PLPPR1: variants seen among roughly 807,000 people sequenced by gnomAD.
PLPPR1 encodes phospholipid phosphatase-related protein type 1.
In PLPPR1, 10 loss-of-function variants were observed where a neutral mutation model predicts 33.1. The ratio of observed to expected loss-of-function variants is 0.30; its 90% CI spans 0.19 to 0.51. The LOEUF is 0.51. Ranked by LOEUF, PLPPR1 falls within the 20% of genes least tolerant of loss-of-function variation. The probability of loss-of-function intolerance (pLI) is 0.97; values close to 1 mark genes in which losing one functional copy is unlikely to be tolerated. For missense variants in PLPPR1, 304 were observed against 408.1 expected, an observed-to-expected ratio of 0.74 and a Z score of 2.20; for synonymous variants, 151 against 151.0, an observed-to-expected ratio of 1.00 and a Z score of 0.00.
At chr9:101,200,678 G>A (rs1323121717) in intron 2 of PLPPR1, among the ~76,000 whole-genome samples, 1 of 151,924 alleles carries the variant, frequency 6.6e-6, no homozygotes, top group Non-Finnish European at 1.5e-5. Context: ...CCATCCTTCT[G>A]TGAAATTTAA....
At chr9:101,320,812 A>G (rs1357551352) in intron 7 of PLPPR1, among the ~76,000 whole-genome samples, 1 of 152,216 alleles carries the variant, frequency 6.6e-6, no homozygotes, top group Non-Finnish European at 1.5e-5. Context: ...TTATAGATGA[A>G]GAAAGTAAGG....
chr9:101,049,890 C>G (rs1830197818), intron 1 of PLPPR1, among the ~76,000 whole-genome samples: 1 of 151,450 alleles, frequency 6.6e-6, no homozygotes, highest in Admixed American at 6.6e-5. Context: ...CTTTGGGAGG[C>G]TGAGGTGGGC....
At chr9:101,203,585 T>C (rs1013319767) in intron 2 of PLPPR1, among the ~76,000 whole-genome samples, 13 of 152,066 alleles carry the variant, frequency 8.5e-5, no homozygotes, top group Non-Finnish European at 5.9e-5. Context: ...GCAATGGGAC[T>C]TATAAAATTT....
At chr9:101,081,698 A>G (rs572626344) in intron 1 of PLPPR1, among the ~76,000 whole-genome samples, 1 of 152,360 alleles carries the variant, frequency 6.6e-6, no homozygotes, top group South Asian at 2.1e-4. Context: ...ACATGGTCCA[A>G]TTCTGTTTCT....
chr9:101,227,239 T>C (rs984758426), intron 2 of PLPPR1, among the ~76,000 whole-genome samples: 4 of 152,244 alleles, frequency 2.6e-5, no homozygotes, highest in Middle Eastern at 6.8e-3. Context: ...GTGGCTTCAA[T>C]GCCATACATA....
At chr9:101,234,493 G>T (rs1213953404) in intron 2 of PLPPR1, among the ~76,000 whole-genome samples, 2 of 151,448 alleles carry the variant, frequency 1.3e-5, no homozygotes, top group African/African-American at 4.8e-5. Context: ...TTATTGACTT[G>T]GTTCGTATCA....
chr9:101,242,281 C>T (rs1022535673), intron 2 of PLPPR1, among the ~76,000 whole-genome samples: 2 of 150,658 alleles, frequency 1.3e-5, no homozygotes, highest in Admixed American at 6.6e-5. Context: ...GGAAATCTTG[C>T]CATACCCTTT....
chr9:101,287,384 G>T (rs1446622407), intron 4 of PLPPR1, among the ~76,000 whole-genome samples: 2 of 152,050 alleles, frequency 1.3e-5, no homozygotes, highest in African/African-American at 2.4e-5. Context: ...TTCCCAGAGG[G>T]GCAAGATAAG....
At chr9:101,170,536 C>A (rs942674340) in intron 1 of PLPPR1, among the ~76,000 whole-genome samples, 1 of 152,146 alleles carries the variant, frequency 6.6e-6, no homozygotes, top group Admixed American at 6.5e-5. Context: ...AAGATGAGAT[C>A]TGAGTGGGGA....
chr9:101,123,122 T>C (rs1831196885), intron 1 of PLPPR1, among the ~76,000 whole-genome samples: 1 of 152,224 alleles, frequency 6.6e-6, no homozygotes, highest in Non-Finnish European at 1.5e-5. Flanking sequence ...TATCTCTATA[T>C]TTTCAAAATC....
At chr9:101,323,529 A>G (rs1023206134) in intron 7 of PLPPR1, among the ~76,000 whole-genome samples, 6 of 151,336 alleles carry the variant, frequency 4.0e-5, no homozygotes, top group African/African-American at 1.5e-4. Context: ...ATGAAAAATC[A>G]GGGAAGTTTT....
In PLPPR1 at chr9:101,058,891, A is replaced by C. The variant is rs73656432; in HGVS notation, c.-46+29789A>C. Among the ~76,000 whole-genome samples the C allele has an allele frequency of 4.6e-3, 699 of 152,240 alleles. 8 individuals carry two copies. Among genetic ancestry groups the C allele is most frequent in the African/African-American group, 0.015 (631 of 41,564 alleles). On this transcript the variant is annotated intron_variant, in intron 1 of 7. Coordinates refer to ENST00000374874, the MANE Select transcript of PLPPR1 (RefSeq NM_207299.2). ...GTTATTTTCATATTATGGATGAATA[A>C]ATTAAGGCTCAAAAAAGTTAATTAA...
At chr9:101,136,542 T>C (rs1472743529) in intron 1 of PLPPR1, among the ~76,000 whole-genome samples, 1 of 152,252 alleles carries the variant, frequency 6.6e-6, no homozygotes, top group Non-Finnish European at 1.5e-5. Flanking sequence ...CCTTTACTTG[T>C]TACTATTGAA....
chr9:101,243,242 A>G (rs995650908), intron 2 of PLPPR1, among the ~76,000 whole-genome samples: 1 of 151,964 alleles, frequency 6.6e-6, no homozygotes, highest in Non-Finnish European at 1.5e-5. Flanking sequence ...CACAGTAGGG[A>G]GTTGGGATTT....
intron 1 of PLPPR1, among the ~76,000 whole-genome samples, chr9:101,035,425 A>G (rs1195677355): frequency 6.6e-6 from 1 of 152,078 alleles, no homozygotes; most frequent in East Asian, 1.9e-4. Context: ...TTTCATCCAA[A>G]CTAAACTTCT....
intron 1 of PLPPR1, among the ~76,000 whole-genome samples, chr9:101,052,135 G>A (rs1417681704): frequency 6.6e-6 from 1 of 152,036 alleles, no homozygotes; most frequent in African/African-American, 2.4e-5. Context: ...TATGCTTATG[G>A]TAAGGATTAA....
intron 1 of PLPPR1, among the ~76,000 whole-genome samples, chr9:101,167,751 A>C (rs1452730875): frequency 2.6e-5 from 4 of 151,914 alleles, no homozygotes; most frequent in African/African-American, 7.3e-5. Flanking sequence ...GCTTCTATCT[A>C]CCTCTCCTCC....
At chr9:101,106,883 CTTCATTTCA>C (rs1830977654) in intron 1 of PLPPR1, among the ~76,000 whole-genome samples, 1 of 51,306 alleles carries the variant, frequency 1.9e-5, no homozygotes, top group Non-Finnish European at 3.4e-5. Context: ...TCCCTTCTCG[CTTCATTTCA>C]TTCATTTCAT....
At chr9:101,072,361 C>T (rs1830491722) in intron 1 of PLPPR1, among the ~76,000 whole-genome samples, 1 of 152,068 alleles carries the variant, frequency 6.6e-6, no homozygotes, top group African/African-American at 2.4e-5. Flanking sequence ...AAGGTATTCT[C>T]AAAAGGATTC....
Sources: allele counts gnomAD v4.1 joint callset (sites outside exome capture counted in the v4.1 genomes callset), GRCh38; gene constraint gnomAD v4.1.1; transcripts MANE v1.5; gene names NCBI Gene and HGNC (gene_info 2026-07-23, HGNC 2026-07-21).